MS4A4A: variants seen among roughly 807,000 people sequenced by gnomAD.
MS4A4A encodes membrane spanning 4-domains A4A, also known as membrane-spanning 4-domains subfamily A member 4A.
MS4A4A carries 26 observed loss-of-function variants against 28.0 expected under a neutral mutation model. The observed-to-expected ratio is 0.93, with a 90% confidence interval of 0.68 to 1.29. MS4A4A has a LOEUF of 1.29. MS4A4A is among the 50% of genes most tolerant of loss of function. MS4A4A has a pLI of 0.00. For missense variants in MS4A4A, 290 were observed against 293.1 expected (o/e 0.99, Z 0.08); for synonymous variants, 86 against 100.8 (o/e 0.85, Z 0.88).
chr11:60,292,496 G>A (rs949243109), intron 2 of MS4A4A, 112 bp downstream of exon 2: 18 of 1,092,960 alleles, frequency 1.6e-5, no homozygotes, highest in Admixed American at 3.6e-5. Flanking sequence ...CAACCCTCAC[G>A]ACGTCAGTAA....
intron 5 of MS4A4A, among the ~76,000 whole-genome samples, chr11:60,304,429 A>G (rs2084979750): frequency 1.3e-5 from 2 of 152,232 alleles, no homozygotes; most frequent in South Asian, 4.1e-4. Flanking sequence ...TCCTCCATTC[A>G]TCTCAATCAC....
intron 5 of MS4A4A, among the ~76,000 whole-genome samples, chr11:60,303,093 T>G (rs1219382074): frequency 6.6e-6 from 1 of 152,202 alleles, no homozygotes; most frequent in East Asian, 1.9e-4. Context: ...GAAGTAAAAT[T>G]GTCTTGAACA....
intron 2 of MS4A4A, 144 bp downstream of exon 2, chr11:60,292,528 T>C: frequency 1.3e-6 from 1 of 761,082 alleles, no homozygotes; most frequent in Non-Finnish European, 2.0e-6. Context: ...GCTCTTCATC[T>C]GAAAAACTAT....
intron 5 of MS4A4A, among the ~76,000 whole-genome samples, chr11:60,305,161 C>T (rs1455550005): frequency 1.3e-5 from 2 of 152,254 alleles, no homozygotes; most frequent in African/African-American, 4.8e-5. Context: ...AAATTTTGAC[C>T]ATGTTTCTTG....
At chr11:60,304,937 C>T (rs1037651079) in intron 5 of MS4A4A, among the ~76,000 whole-genome samples, 1 of 152,200 alleles carries the variant, frequency 6.6e-6, no homozygotes, top group Admixed American at 6.5e-5. Context: ...CTGTTGAAGG[C>T]ACAAGAAAAT....
intron 2 of MS4A4A, among the ~76,000 whole-genome samples, chr11:60,295,684 GT>G (rs767697806): frequency 4.6e-5 from 7 of 151,994 alleles, no homozygotes; most frequent in Non-Finnish European, 7.4e-5. Context: ...TTTTTCAAGA[GT>G]TTTTATAATA....
At chr11:60,287,021 T>A (rs2084809167) in intron 1 of MS4A4A, among the ~76,000 whole-genome samples, 1 of 152,174 alleles carries the variant, frequency 6.6e-6, no homozygotes, top group South Asian at 2.1e-4. Context: ...TTCTTTAACG[T>A]TTGTGTATCT....
chr11:60,282,426 A>G (rs976038450), intron 1 of MS4A4A, among the ~76,000 whole-genome samples: 1 of 152,244 alleles, frequency 6.6e-6, no homozygotes, highest in Admixed American at 6.5e-5. Context: ...TAGAAGGAAC[A>G]TAACACATTT....
Position 60,280,691 on chromosome 11 carries a change from A to G in MS4A4A, c.16A>G (p.Ser6Gly), listed in dbSNP as rs773694951. 10 of 1,613,610 alleles carry G rather than the reference A, an allele frequency of 6.2e-6. No homozygotes were observed. The highest frequency in any genetic ancestry group is 1.3e-5 in the African/African-American group (1 of 74,924). The stretch of plus-strand genomic sequence containing the variant: ...AGAGCCCTGCATGCATCAGACCTAC[A>G]GCAGACATTGCAGGCCTGAAGAAAG... MHQTYSRHCRPEESTF... is the reference protein window; with the variant it reads MHQTYGRHCRPEESTF... The change falls in exon 1 of 7, where the codon AGC (serine) becomes GGC (glycine). Residue 6 changes from serine to glycine, a missense_variant. Ser to Gly is a moderately conservative substitution (Grantham distance 56, BLOSUM62 0). Coordinates refer to ENST00000337908, the MANE Select transcript of MS4A4A (RefSeq NM_148975.3).
At chr11:60,290,853 A>AT (rs1292174237) in intron 1 of MS4A4A, among the ~76,000 whole-genome samples, 2 of 152,054 alleles carry the variant, frequency 1.3e-5, no homozygotes, top group African/African-American at 2.4e-5. Context: ...CAGGATGATA[A>AT]TTTTTTCAGA....
At chr11:60,295,364 ATTGT>A (rs931337067) in intron 2 of MS4A4A, among the ~76,000 whole-genome samples, 8 of 152,040 alleles carry the variant, frequency 5.3e-5, no homozygotes, top group Non-Finnish European at 4.4e-5. Flanking sequence ...ACCTAATATA[ATTGT>A]TTGTTAGTTC....
intron 1 of MS4A4A, among the ~76,000 whole-genome samples, chr11:60,285,851 T>G (rs2084799234): frequency 6.6e-6 from 1 of 152,310 alleles, no homozygotes; most frequent in African/African-American, 2.4e-5. Context: ...GCACACATTG[T>G]CATTGATAAA....
At chr11:60,295,200 C>T in intron 2 of MS4A4A, among the ~76,000 whole-genome samples, 1 of 151,712 alleles carries the variant, frequency 6.6e-6, no homozygotes, top group Non-Finnish European at 1.5e-5. Flanking sequence ...AGATTTATAC[C>T]TAACAAATGC....
chr11:60,283,879 C>T (rs1365246), intron 1 of MS4A4A, among the ~76,000 whole-genome samples: 145,745 of 152,352 alleles, frequency 0.96, 69,964 homozygotes, highest in Non-Finnish European at 1. Flanking sequence ...CATATAAATG[C>T]AAACCACCTC....
At chr11:60,303,344 G>T (rs1286449437) in intron 5 of MS4A4A, among the ~76,000 whole-genome samples, 1 of 152,156 alleles carries the variant, frequency 6.6e-6, no homozygotes, top group Admixed American at 6.5e-5. Context: ...TGGGCCATTG[G>T]GTAATTGTGG....
chr11:60,287,222 T>C (rs2084810454), intron 1 of MS4A4A, among the ~76,000 whole-genome samples: 1 of 152,236 alleles, frequency 6.6e-6, no homozygotes, highest in Non-Finnish European at 1.5e-5. Flanking sequence ...GAAGACTGGG[T>C]AATTTATTAT....
intron 4 of MS4A4A, among the ~76,000 whole-genome samples, chr11:60,302,072 C>A (rs571503512): frequency 1.2e-4 from 18 of 152,200 alleles, no homozygotes; most frequent in Admixed American, 6.5e-4. Context: ...TGAGCCACTG[C>A]GCCCAGTCAG....
intron 2 of MS4A4A, among the ~76,000 whole-genome samples, chr11:60,294,377 T>A (rs1225823333): frequency 6.6e-6 from 1 of 152,230 alleles, no homozygotes; most frequent in Non-Finnish European, 1.5e-5. Context: ...GATATGACTC[T>A]TGCAAATATC....
chr11:60,294,309 A>C (rs991148398), intron 2 of MS4A4A, among the ~76,000 whole-genome samples: 1 of 152,068 alleles, frequency 6.6e-6, no homozygotes. Flanking sequence ...GAGGACGTTT[A>C]TGTTCTTATT....
Sources: allele counts gnomAD v4.1 joint callset (sites outside exome capture counted in the v4.1 genomes callset), GRCh38; gene constraint gnomAD v4.1.1; transcripts MANE v1.5; gene names NCBI Gene and HGNC (gene_info 2026-07-23, HGNC 2026-07-21).